ARHGEF39: variants seen among roughly 807,000 people sequenced by gnomAD.
The protein encoded by ARHGEF39 is Rho guanine nucleotide exchange factor (GEF) 39.
Under a neutral mutation model 47.5 loss-of-function variants are expected in ARHGEF39, and 45 were observed. The ratio of observed to expected loss-of-function variants is 0.95; its 90% CI spans 0.75 to 1.22. The LOEUF is 1.22. Among genes scored for constraint, ARHGEF39 ranks in the 50% most tolerant of loss-of-function variants. The probability of loss-of-function intolerance (pLI) is 0.00; values close to 1 mark genes in which losing one functional copy is unlikely to be tolerated. For synonymous variants in ARHGEF39, 164 were observed against 167.8 expected (o/e 0.98, Z 0.17); for missense variants, 411 against 425.3 (o/e 0.97, Z 0.30).
Position 35,660,983 on chromosome 9 carries a change from C to T in ARHGEF39, c.*1004G>A, listed in dbSNP as rs766836308. The T allele has an allele frequency of 1.4e-5, 23 of 1,613,906 alleles. 1 individual carries two copies. Among genetic ancestry groups the T allele is most frequent in the Admixed American group, 1.0e-4 (6 of 59,976 alleles). The stretch of plus-strand genomic sequence containing the variant: ...CTGAGGACTTCTGTTTAAAGGAGGA[C>T]GAGGAGGAGATTGGTGACAGTCAGG... On this transcript the variant is annotated 3_prime_UTR_variant, in exon 9 of 9. Coordinates refer to ENST00000378387, the MANE Select transcript of ARHGEF39 (RefSeq NM_032818.3).
chr9:35,663,230 A>AC (rs1563916387), intron 5 of ARHGEF39, 92 bp downstream of exon 5: 10 of 1,559,730 alleles, frequency 6.4e-6, no homozygotes, highest in Non-Finnish European at 8.0e-6. Context: ...AGTGGAAGAT[A>AC]GGGTCATACC....
Position 35,661,918 on chromosome 9 carries a change from G to T in ARHGEF39, c.*69C>A. ...GGGTTCTGTTTTGTTCAGTACTGAA[G>T]ATTCCTTTGTACTCTTGGCTGTGAC... is the stretch of plus-strand genomic sequence containing the variant. On this transcript the variant is annotated 3_prime_UTR_variant, in exon 9 of 9. Transcript: ENST00000378387. The T allele has an allele frequency of 2.6e-6, 4 of 1,546,028 alleles. No homozygotes were observed. In the Admixed American group the frequency reaches 7.5e-5, roughly 29 times the overall value.
rs949923460 is a variant in ARHGEF39, at chr9:35,661,708, C to G, written c.*279G>C. 2.3e-6 allele frequency: 1 copy of G among 436,472 alleles called. No homozygotes were observed. Among genetic ancestry groups the G allele is most frequent in the Non-Finnish European group, 4.0e-6 (1 of 247,752 alleles). The allele number at this position is 436,472 out of a possible 1,614,324, so 27.0% of individuals were successfully genotyped here. On this transcript the variant is annotated 3_prime_UTR_variant, in exon 9 of 9. Transcript: ENST00000378387. ...TTTCTTAAATAGAGACAGGGTCTCA[C>G]TCACTGTGTTGCCCAGGCTGGTCTT... is the stretch of plus-strand genomic sequence containing the variant.
In ARHGEF39 at chr9:35,665,082, G is replaced by T. The variant is rs1395920476; in HGVS notation, c.88C>A (p.Leu30Met). 2 of 1,556,670 alleles carry T rather than the reference G, an allele frequency of 1.3e-6. No homozygotes were observed. The highest frequency in any genetic ancestry group is 2.4e-5 in the East Asian group (1 of 42,332). The change falls in exon 1 of 9, where the codon CTG (leucine) becomes ATG (methionine). Residue 30 changes from leucine to methionine, a missense_variant. By Grantham distance (15) the Leu-to-Met change is conservative (BLOSUM62 2). Transcript: ENST00000378387. Reference protein sequence around the residue: ...ERKRACTARELLETERRYQEQ... With the variant: ...ERKRACTAREMLETERRYQEQ... ...TGGTAGCGCCGCTCGGTCTCTAGCAGCTCCCGGGCGGTGCAGGCGCGTTTC... is the reference window on the plus strand; with the variant it reads ...TGGTAGCGCCGCTCGGTCTCTAGCATCTCCCGGGCGGTGCAGGCGCGTTTC...
In ARHGEF39 at chr9:35,659,488, A is replaced by C. The variant is rs2131816451; in HGVS notation, c.*2499T>G. On this transcript the variant is annotated 3_prime_UTR_variant, in exon 9 of 9. Coordinates refer to ENST00000378387, the MANE Select transcript of ARHGEF39 (RefSeq NM_032818.3). Reference sequence around the variant, plus strand: ...TTAGGCATTCCAGTTGACTGAGTTCACTGTGGGATGTGACAAGCCACTTCC... The same window carrying C: ...TTAGGCATTCCAGTTGACTGAGTTCCCTGTGGGATGTGACAAGCCACTTCC... 6.6e-6 allele frequency: 1 copy of C among 152,336 alleles called. No homozygotes were observed. The highest frequency in any genetic ancestry group is 2.1e-4 in the South Asian group (1 of 4,830). 9.4% of individuals were successfully genotyped at this position (152,336 alleles called of 1,614,324 possible).
At chr9:35,664,890 GAGA>G (rs1288778534) in intron 1 of ARHGEF39, 40 bp from the exon 2 acceptor site, 1 of 1,592,120 alleles carries the variant, frequency 6.3e-7, no homozygotes, top group Non-Finnish European at 8.5e-7. Context: ...CCTAGAGGAA[GAGA>G]AGGCTAACGC....
chr9:35,662,434 G>C (rs1824002939), intron 7 of ARHGEF39, 78 bp downstream of exon 7: 1 of 1,483,430 alleles, frequency 6.7e-7, no homozygotes. Context: ...TATGAAAAGG[G>C]ACCCAGACCA....
Position 35,661,098 on chromosome 9 carries a change from CAGGCTGTGGCAAAGGGCCCCAGTCA to C in ARHGEF39, c.*864_*888del, listed in dbSNP as rs1563913399. The C allele has an allele frequency of 2.5e-6, 4 of 1,614,116 alleles. No individual in the cohort carries two copies. Among genetic ancestry groups the C allele is most frequent in the Non-Finnish European group, 3.4e-6 (4 of 1,180,006 alleles). ...GCGGGGACTACGGAGAAGGTGCAGC[CAGGCTGTGGCAAAGGGCCCCAGTCA>C]CAGCCTTGGCTGGGAAGGAGGGACG... On this transcript the variant is annotated 3_prime_UTR_variant, in exon 9 of 9. Coordinates refer to ENST00000378387, the MANE Select transcript of ARHGEF39 (RefSeq NM_032818.3).
intron 6 of ARHGEF39, 75 bp downstream of exon 6, chr9:35,662,870 AG>A: frequency 6.3e-7 from 1 of 1,582,972 alleles, no homozygotes; most frequent in Admixed American, 1.7e-5. Flanking sequence ...AGAAAAGAGC[AG>A]CTGGTCGGCA....
At position 35,661,896 on chromosome 9, in the gene ARHGEF39, T is replaced by G; in HGVS notation, c.*91A>C. ...GTGACCTTTGTCAAATCATGAAGGGTTCTGTTTTGTTCAGTACTGAAGATT... is the reference window on the plus strand; with the variant it reads ...GTGACCTTTGTCAAATCATGAAGGGGTCTGTTTTGTTCAGTACTGAAGATT... On this transcript the variant is annotated 3_prime_UTR_variant, in exon 9 of 9. Transcript: ENST00000378387. 7.1e-7 allele frequency: 1 copy of G among 1,410,742 alleles called. No homozygotes were observed. The highest frequency in any genetic ancestry group is 9.7e-7 in the Non-Finnish European group (1 of 1,028,180). The allele number at this position is 1,410,742 out of a possible 1,614,324, so 87.4% of individuals were successfully genotyped here.
At position 35,665,117 on chromosome 9, in the gene ARHGEF39, C is replaced by A; in HGVS notation, c.53G>T (p.Arg18Leu). The A allele has an allele frequency of 6.5e-7, 1 of 1,547,656 alleles. No homozygotes were observed. Among genetic ancestry groups the A allele is most frequent in the Non-Finnish European group, 8.7e-7 (1 of 1,146,122 alleles). ...GGTGCAGGCGCGTTTCCGCTCCCAG[C>A]GGGCACGCTGCTCTTGCACCGGGCA... ...SRCPVQEQRA[R>L]WERKRACTAR... Residue 18 changes from arginine to leucine, a missense_variant, in exon 1 of 9, where the codon CGC becomes CTC. Transcript: ENST00000378387.
chr9:35,663,464 C>A, intron 4 of ARHGEF39, 72 bp from the exon 5 acceptor site: 1 of 1,283,014 alleles, frequency 7.8e-7, no homozygotes. Context: ...ATGTGCAGAT[C>A]ACCCTCTACC....
Position 35,660,615 on chromosome 9 carries a change from C to G in ARHGEF39, c.*1372G>C. 1 of 1,614,218 alleles carries G rather than the reference C, an allele frequency of 6.2e-7. No homozygotes were observed. The highest frequency in any genetic ancestry group is 8.5e-7 in the Non-Finnish European group (1 of 1,180,042). On this transcript the variant is annotated 3_prime_UTR_variant, in exon 9 of 9. Coordinates refer to ENST00000378387, the MANE Select transcript of ARHGEF39 (RefSeq NM_032818.3). ...CCCAGACAGAGCAGCACCTGAACAA[C>G]CTGATGGCCCAGCTGGACCCCCTTT...
In ARHGEF39 at chr9:35,660,628, CT is replaced by C. The variant is rs762246010; in HGVS notation, c.*1358del. The C allele has an allele frequency of 1.9e-6, 3 of 1,614,092 alleles. No individual in the cohort carries two copies. The African/African-American group carries it at 4.0e-5, about 22-fold the overall frequency. ...GCACCTGAACAACCTGATGGCCCAGCTGGACCCCCTTTTTGAGCGGTGAGGA... is the reference window on the plus strand; with the variant it reads ...GCACCTGAACAACCTGATGGCCCAGCGGACCCCCTTTTTGAGCGGTGAGGA... On this transcript the variant is annotated 3_prime_UTR_variant, in exon 9 of 9. Transcript: ENST00000378387.
At chr9:35,664,223 T>G in intron 3 of ARHGEF39, 97 bp from the exon 4 acceptor site, 1 of 1,517,528 alleles carries the variant, frequency 6.6e-7, no homozygotes, top group South Asian at 1.2e-5. Context: ...TAAGCTGTGC[T>G]CCTGAGAGAA....
intron 2 of ARHGEF39, 120 bp downstream of exon 2, chr9:35,664,636 A>G: frequency 1.4e-6 from 2 of 1,471,656 alleles, no homozygotes; most frequent in Non-Finnish European, 1.8e-6. Context: ...CCCTGGGCCA[A>G]GGCCACAGGT....
rs775750895 is a variant in ARHGEF39 at position 35,663,377 on chromosome 9, G to A, written c.489C>T (p.Val163=). The A allele has an allele frequency of 5.0e-6, 8 of 1,613,764 alleles. No individual in the cohort carries two copies. Among genetic ancestry groups the A allele is most frequent in the East Asian group, 4.5e-5 (2 of 44,886 alleles). The change falls in exon 5 of 9, where the codon GTC becomes GTT. Residue 163 remains valine (V), a synonymous_variant. Transcript: ENST00000378387. The part of the protein sequence containing the change: ...LQRLQQYENL[V]VALAENTGPN... ...GACCTGTGTTTTCAGCCAAAGCTAC[G>A]ACGAGATTCTCATACCTGGAATTCA...
chr9:35,663,430 G>C (rs548952536), intron 4 of ARHGEF39, 38 bp from the exon 5 acceptor site: 3 of 1,573,892 alleles, frequency 1.9e-6, no homozygotes, highest in African/African-American at 1.4e-5. Flanking sequence ...GGGAAGCAGA[G>C]CCAGGCAGAA....
chr9:35,661,528 G>A lies in ARHGEF39; in HGVS notation c.*459C>T. 1 of 443,260 alleles carries A rather than the reference G, an allele frequency of 2.3e-6. No individual in the cohort carries two copies. The highest frequency in any genetic ancestry group is 2.0e-5 in the African/African-American group (1 of 49,222). 27.5% of individuals were successfully genotyped at this position (443,260 alleles called of 1,614,324 possible). On this transcript the variant is annotated 3_prime_UTR_variant, in exon 9 of 9. Coordinates refer to ENST00000378387, the MANE Select transcript of ARHGEF39 (RefSeq NM_032818.3). ...ACATAAAAATAGCCACATTTACAAA[G>A]CTGCAGCCTTGATAAATGACGGGCC...
Sources: gnomAD v4.1 joint callset for allele counts on GRCh38, gnomAD v4.1.1 for gene constraint, MANE v1.5 for transcripts, NCBI Gene and HGNC (gene_info 2026-07-23, HGNC 2026-07-21) for gene names.